The following SNRK variants were observed in gnomAD, a reference collection of about 807,000 sequenced individuals.
The protein encoded by SNRK is SNF-related serine/threonine-protein kinase.
A neutral mutation model predicts 48.2 loss-of-function variants in SNRK; 3 were observed. The observed-to-expected ratio is 0.06, with a 90% CI of 0.03 to 0.16. The LOEUF is 0.16. SNRK is among the 10% of genes least tolerant of loss of function. SNRK has a pLI of 1.00. For synonymous variants in SNRK, 376 were observed against 366.1 expected (o/e 1.03, Z -0.31); for missense variants, 627 against 976.0 (o/e 0.64, Z 4.76).
In SNRK at chr3:43,307,760, G is replaced by A. The variant is rs983597951; in HGVS notation, c.589+3968G>A. Among the ~76,000 whole-genome samples the A allele has an allele frequency of 5.3e-5, 8 of 151,994 alleles. No individual in the cohort carries two copies. The East Asian group carries it at 1.3e-3, about 26-fold the overall frequency. On this transcript the variant is annotated intron_variant, in intron 3 of 6. Coordinates refer to ENST00000296088, the MANE Select transcript of SNRK (RefSeq NM_017719.5). ...TGAGATACAACAATATTGAAATTAG[G>A]CCAATTAATTACAGTGGCCTCTAAG...
intron 1 of SNRK, among the ~76,000 whole-genome samples, chr3:43,290,197 C>T (rs2090800183): frequency 6.6e-6 from 1 of 152,076 alleles, no homozygotes; most frequent in South Asian, 2.1e-4. Context: ...TTATCAGACC[C>T]AAGTAATGCC....
intron 3 of SNRK, among the ~76,000 whole-genome samples, chr3:43,304,660 T>A (rs1480274273): frequency 1.3e-5 from 2 of 152,126 alleles, no homozygotes; most frequent in African/African-American, 4.8e-5. Context: ...TTTGTTAATC[T>A]TGGAAAAAAA....
intron 1 of SNRK, among the ~76,000 whole-genome samples, chr3:43,295,388 C>T (rs1265537156): frequency 6.6e-6 from 1 of 152,188 alleles, no homozygotes; most frequent in African/African-American, 2.4e-5. Context: ...GTCCCCTCAG[C>T]GGCCCCTAGC....
intron 1 of SNRK, among the ~76,000 whole-genome samples, chr3:43,291,359 T>C (rs79068486): frequency 0.01 from 1,578 of 152,286 alleles, 25 homozygotes; most frequent in African/African-American, 0.035. Context: ...TCTGTTCCCG[T>C]AAGAGACTGT....
chr3:43,298,619 A>AT (rs750859441), intron 1 of SNRK, among the ~76,000 whole-genome samples: 1 of 152,148 alleles, frequency 6.6e-6, no homozygotes, highest in East Asian at 1.9e-4. Context: ...TCCCAAGTGC[A>AT]TTTGAACTTT....
intron 3 of SNRK, among the ~76,000 whole-genome samples, chr3:43,329,437 CAA>C (rs1009080304): frequency 3.8e-4 from 49 of 130,198 alleles, no homozygotes; most frequent in Non-Finnish European, 6.7e-4. Context: ...GACTCCGTCT[CAA>C]AAAAAAAAAA....
chr3:43,312,102 G>C (rs1239025872), intron 3 of SNRK, among the ~76,000 whole-genome samples: 1 of 152,012 alleles, frequency 6.6e-6, no homozygotes, highest in East Asian at 1.9e-4. Context: ...TACAGATCTG[G>C]ATTTAAAAAC....
Position 43,309,852 on chromosome 3 carries a change from T to G in SNRK, c.589+6060T>G, listed in dbSNP as rs143355174. Among the ~76,000 whole-genome samples, 916 of 152,096 alleles carry G rather than the reference T, an allele frequency of 6.0e-3. 5 individuals are homozygous for G. The highest frequency in any genetic ancestry group is 9.7e-3 in the Non-Finnish European group (658 of 67,986). ...GCTGGTCTTGATAAAGTTTTTTTTG[T>G]TGTTTGTTTGTTTTTTTAATTTTTT... On this transcript the variant is annotated intron_variant, in intron 3 of 6. Coordinates refer to ENST00000296088, the MANE Select transcript of SNRK (RefSeq NM_017719.5).
At chr3:43,337,149 C>T (rs985030009) in intron 4 of SNRK, among the ~76,000 whole-genome samples, 1 of 152,060 alleles carries the variant, frequency 6.6e-6, no homozygotes, top group Non-Finnish European at 1.5e-5. Context: ...TCTTGGCTCA[C>T]CGCAGCCTCC....
intron 4 of SNRK, 43 bp from the exon 5 acceptor site, chr3:43,340,244 T>C: frequency 6.9e-7 from 1 of 1,457,262 alleles, no homozygotes; most frequent in Non-Finnish European, 9.6e-7. Flanking sequence ...TACTGATCCT[T>C]GCAAGCAGTT....
At chr3:43,329,280 T>G (rs1167418342) in intron 3 of SNRK, among the ~76,000 whole-genome samples, 1 of 151,890 alleles carries the variant, frequency 6.6e-6, no homozygotes. Context: ...CAACTAAAAA[T>G]AGAAAAAATT....
In SNRK at chr3:43,347,299, A is replaced by G. The variant is rs1432423666; in HGVS notation, c.1080-40A>G. 2 of 1,515,766 alleles carry G rather than the reference A, an allele frequency of 1.3e-6. No individual in the cohort carries two copies. The highest frequency in any genetic ancestry group is 2.2e-5 in the Admixed American group (1 of 45,070). 93.9% of individuals were successfully genotyped at this position (1,515,766 alleles called of 1,614,324 possible). A position where few individuals can be genotyped will look rare whatever the true frequency, so the allele number is the denominator to read the frequency against. On this transcript the variant is annotated intron_variant, in intron 6 of 6. Coordinates refer to ENST00000296088, the MANE Select transcript of SNRK (RefSeq NM_017719.5). The surrounding 1 kb of genome is among the most constrained non-coding windows in gnomAD (Gnocchi z 5.4). ...GTACTTTACTATCATCTGCATAATG[A>G]TTATATGGCTTTTTTCCCCCCAATC...
chr3:43,306,131 C>G (rs2090935790), intron 3 of SNRK, among the ~76,000 whole-genome samples: 1 of 152,004 alleles, frequency 6.6e-6, no homozygotes, highest in Non-Finnish European at 1.5e-5. Context: ...GTGAAGTAGG[C>G]TTGGGTGGAG....
intron 6 of SNRK, among the ~76,000 whole-genome samples, chr3:43,344,773 T>G (rs1190066777): frequency 6.6e-6 from 1 of 152,098 alleles, no homozygotes; most frequent in Non-Finnish European, 1.5e-5. Context: ...GCTCAGAGGT[T>G]ACGGTCAACC....
chr3:43,316,544 A>G (rs77646484), intron 3 of SNRK, among the ~76,000 whole-genome samples: 1,581 of 152,256 alleles, frequency 0.01, 25 homozygotes, highest in African/African-American at 0.035. Context: ...TTAAATTCTG[A>G]TGTTCTTTAA....
intron 3 of SNRK, among the ~76,000 whole-genome samples, chr3:43,305,867 ACT>A (rs1242857861): frequency 1.3e-5 from 2 of 152,092 alleles, no homozygotes; most frequent in African/African-American, 4.8e-5. Flanking sequence ...CATGTAGTAA[ACT>A]CTGAAGAATG....
chr3:43,305,223 A>T (rs1207161811), intron 3 of SNRK, among the ~76,000 whole-genome samples: 1 of 152,184 alleles, frequency 6.6e-6, no homozygotes, highest in African/African-American at 2.4e-5. Context: ...AAAGGTAAAG[A>T]TGTACACATC....
chr3:43,348,226 C>G lies in SNRK; in HGVS notation c.1967C>G (p.Ser656Cys), dbSNP rs781714956. 9 of 1,612,712 alleles carry G rather than the reference C, an allele frequency of 5.6e-6. No individual in the cohort carries two copies. The East Asian group carries it at 2.0e-4, about 36-fold the overall frequency. The part of the protein sequence containing the change: ...SLKLMSLCLG[S>C]QLHGSTKYII... The stretch of plus-strand genomic sequence containing the variant: ...AAACTCATGAGCCTCTGCCTCGGCT[C>G]CCAGCTTCATGGGAGCACCAAGTAC... The change falls in exon 7 of 7, where the codon TCC becomes TGC. Residue 656 changes from serine (S) to cysteine (C), a missense_variant. By Grantham distance (112) the Ser-to-Cys change is moderately radical. This residue lies in a region of SNRK where 207 missense variants were observed against 234.3 expected (regional missense o/e 0.88). Coordinates refer to ENST00000296088, the MANE Select transcript of SNRK (RefSeq NM_017719.5).
chr3:43,325,381 G>A (rs1559466329), intron 3 of SNRK, among the ~76,000 whole-genome samples: 1 of 152,092 alleles, frequency 6.6e-6, no homozygotes, highest in Admixed American at 6.5e-5. Context: ...TAGCCAAGAT[G>A]GTCTCGATCT....
Sources: gnomAD v4.1 joint callset for allele counts (sites outside exome capture counted in the v4.1 genomes callset) on GRCh38, gnomAD v4.1.1 for gene constraint, gnomAD v4.1.1 regional missense constraint, Gnocchi (gnomAD v3.1) non-coding constraint, MANE v1.5 for transcripts, NCBI Gene and HGNC (gene_info 2026-07-23, HGNC 2026-07-21) for gene names.